Variants in PPARGC1A observed in about 807,000 individuals in gnomAD.
The protein encoded by PPARGC1A is peroxisome proliferator-activated receptor gamma coactivator 1-alpha.
In PPARGC1A, 25 loss-of-function variants were observed where a neutral mutation model predicts 88.7. The observed-to-expected ratio is 0.28, with a 90% CI of 0.21 to 0.39. The LOEUF (loss-of-function observed/expected upper bound fraction) is 0.39, where lower values mean the gene tolerates loss of function less well. PPARGC1A is among the 10% of genes least tolerant of loss of function. PPARGC1A has a pLI of 1.00. For missense variants in PPARGC1A, 880 were observed against 968.7 expected (o/e 0.91, Z 1.22); for synonymous variants, 363 against 355.6 (o/e 1.02, Z -0.24).
At chr4:23,977,686 AAAATT>A in the PPARGC1A span, among the ~76,000 whole-genome samples, 1 of 152,228 alleles carries the variant, frequency 6.6e-6, no homozygotes, top group Non-Finnish European at 1.5e-5. Flanking sequence ...AACTTAAAAC[AAAATT>A]AAATTAAATA....
At chr4:23,888,232 C>T (rs1333718562) in intron 1 of PPARGC1A, among the ~76,000 whole-genome samples, 4 of 152,190 alleles carry the variant, frequency 2.6e-5, no homozygotes, top group Non-Finnish European at 5.9e-5. Context: ...AGCCGACTGG[C>T]GACTCTATCC....
chr4:24,338,832 T>G, the PPARGC1A span, among the ~76,000 whole-genome samples: 1 of 152,006 alleles, frequency 6.6e-6, no homozygotes, highest in South Asian at 2.1e-4. Flanking sequence ...CCCACTGGGA[T>G]GTTAGCCTCC....
At chr4:24,360,813 T>C in the PPARGC1A span, among the ~76,000 whole-genome samples, 1 of 152,342 alleles carries the variant, frequency 6.6e-6, no homozygotes, top group East Asian at 1.9e-4. Context: ...TATAGCATAG[T>C]TTTGCTCATC....
the PPARGC1A span, among the ~76,000 whole-genome samples, chr4:24,254,088 C>G: frequency 6.6e-6 from 1 of 152,116 alleles, no homozygotes; most frequent in Admixed American, 6.5e-5. Context: ...CTTATTTGTT[C>G]TTACTCAAAG....
At chr4:24,127,008 G>A in the PPARGC1A span, among the ~76,000 whole-genome samples, 6 of 152,222 alleles carry the variant, frequency 3.9e-5, no homozygotes, top group South Asian at 4.2e-4. Flanking sequence ...GAGCCAAGCC[G>A]TGGGTCAGCA....
At chr4:24,028,641 A>C in the PPARGC1A span, among the ~76,000 whole-genome samples, 3 of 152,164 alleles carry the variant, frequency 2.0e-5, no homozygotes, top group African/African-American at 7.2e-5. Flanking sequence ...CTGGCTCCTC[A>C]TCTCACTACC....
At chr4:24,263,476 CACACACACAG>C in the PPARGC1A span, among the ~76,000 whole-genome samples, 3 of 151,552 alleles carry the variant, frequency 2.0e-5, 1 homozygote, top group African/African-American at 7.3e-5. Flanking sequence ...CACACACACA[CACACACACAG>C]AGTTGACCCT....
chr4:24,466,712 C>G, the PPARGC1A span, among the ~76,000 whole-genome samples: 9 of 151,786 alleles, frequency 5.9e-5, no homozygotes, highest in African/African-American at 2.2e-4. Context: ...GTCAGGAGTT[C>G]GAGACCAGCC....
chr4:23,864,585 A>G (rs1352958242), intron 2 of PPARGC1A, among the ~76,000 whole-genome samples: 6 of 152,182 alleles, frequency 3.9e-5, no homozygotes, highest in Admixed American at 3.3e-4. Flanking sequence ...GTGAACATGC[A>G]CTCAAGAACA....
chr4:24,296,036 A>G, the PPARGC1A span, among the ~76,000 whole-genome samples: 19 of 151,020 alleles, frequency 1.3e-4, no homozygotes, highest in East Asian at 7.8e-4. Context: ...GTGTGTATAT[A>G]TGTGTATGTG....
chr4:24,215,194 C>A, the PPARGC1A span, among the ~76,000 whole-genome samples: 1 of 152,210 alleles, frequency 6.6e-6, no homozygotes, highest in Non-Finnish European at 1.5e-5. Context: ...CCAGGCTATA[C>A]CAGGCTATAA....
chr4:23,877,115 G>A (rs1282414414), intron 2 of PPARGC1A, among the ~76,000 whole-genome samples: 1 of 152,130 alleles, frequency 6.6e-6, no homozygotes, highest in African/African-American at 2.4e-5. Flanking sequence ...ATAAGAGTGT[G>A]TATTTCATTG....
chr4:24,276,076 T>C, the PPARGC1A span, among the ~76,000 whole-genome samples: 1 of 152,280 alleles, frequency 6.6e-6, no homozygotes, highest in East Asian at 1.9e-4. Flanking sequence ...CTTTTAGCCA[T>C]CCAGGAAGCA....
rs1001302007 is a variant in PPARGC1A, at chr4:23,792,583, A to G, written c.*3239T>C. 2 of 152,478 alleles carry G rather than the reference A, an allele frequency of 1.3e-5. No individual in the cohort carries two copies. The highest frequency in any genetic ancestry group is 2.1e-4 in the South Asian group (1 of 4,826). 9.4% of individuals were successfully genotyped at this position (152,478 alleles called of 1,614,324 possible). Reference sequence around the variant, plus strand: ...AAAAAATTGATTTTGTTGCACTGGAAGAATTATTCTGCTACATCTCTTTTA... The same window carrying G: ...AAAAAATTGATTTTGTTGCACTGGAGGAATTATTCTGCTACATCTCTTTTA... On this transcript the variant is annotated 3_prime_UTR_variant, in exon 13 of 13. Transcript: ENST00000264867.
chr4:24,387,926 G>GAAAGAAAGAAAGAA, the PPARGC1A span, among the ~76,000 whole-genome samples: 1 of 15,958 alleles, frequency 6.3e-5, no homozygotes, highest in Non-Finnish European at 1.8e-4. Context: ...AAGAAAGAAA[G>GAAAGAAAGAAAGAA]AAAGAAAGAG....
intron 1 of PPARGC1A, among the ~76,000 whole-genome samples, chr4:23,888,017 T>C (rs1717199934): frequency 6.6e-6 from 1 of 152,180 alleles, no homozygotes; most frequent in Non-Finnish European, 1.5e-5. Flanking sequence ...ACCAATGTAC[T>C]ACCCTGTCAT....
rs372850330 is a variant in PPARGC1A at position 23,810,235 on chromosome 4, A to G, written c.2019+2512T>C. ...ATCTCTATGTTCTAGGTTTCCTTCAATCTACTTTTCAAAAACAAAAGCGAA... is the reference window on the plus strand; with the variant it reads ...ATCTCTATGTTCTAGGTTTCCTTCAGTCTACTTTTCAAAAACAAAAGCGAA... On this transcript the variant is annotated intron_variant, in intron 10 of 12. Transcript: ENST00000264867. 3.9e-5 allele frequency among the ~76,000 whole-genome samples: 6 copies of G among 152,302 alleles called. No individual in the cohort carries two copies. In the South Asian group the frequency reaches 1.2e-3, roughly 32 times the overall value.
chr4:24,441,126 G>C, the PPARGC1A span, among the ~76,000 whole-genome samples: 1 of 152,170 alleles, frequency 6.6e-6, no homozygotes, highest in African/African-American at 2.4e-5. Flanking sequence ...TCAGTTGTTT[G>C]TTAGAGAGAT....
At chr4:24,395,624 T>C in the PPARGC1A span, among the ~76,000 whole-genome samples, 3 of 152,348 alleles carry the variant, frequency 2.0e-5, no homozygotes, top group Middle Eastern at 6.8e-3. Context: ...GAAGCTGTTC[T>C]TCCAACGGAC....
Sources: allele counts gnomAD v4.1 joint callset (sites outside exome capture counted in the v4.1 genomes callset), GRCh38; gene constraint gnomAD v4.1.1; transcripts MANE v1.5; gene names NCBI Gene and HGNC (gene_info 2026-07-23, HGNC 2026-07-21).